Variants in JAZF1 observed in about 807,000 individuals in gnomAD.
JAZF1 encodes JAZF zinc finger 1.
In JAZF1, 8 loss-of-function variants were observed where a neutral mutation model predicts 26.4. The ratio of observed to expected loss-of-function variants is 0.30; its 90% CI spans 0.18 to 0.55. The LOEUF (loss-of-function observed/expected upper bound fraction) is 0.55, where lower values mean the gene tolerates loss of function less well. Ranked by LOEUF, JAZF1 falls within the 20% of genes least tolerant of loss-of-function variation. The pLI is 0.94. For synonymous variants in JAZF1, 126 were observed against 122.3 expected (o/e 1.03, Z -0.20); for missense variants, 199 against 322.0 (o/e 0.62, Z 2.92).
At chr7:28,163,895 T>C (rs1474414906) in intron 1 of JAZF1, among the ~76,000 whole-genome samples, 1 of 152,240 alleles carries the variant, frequency 6.6e-6, no homozygotes, top group Non-Finnish European at 1.5e-5. Flanking sequence ...GGATTACTGT[T>C]CACTCACAGC....
At chr7:28,090,036 T>C (rs921981691) in intron 1 of JAZF1, among the ~76,000 whole-genome samples, 1 of 152,232 alleles carries the variant, frequency 6.6e-6, no homozygotes, top group South Asian at 2.1e-4. Flanking sequence ...ACAGGTACCA[T>C]CAAATCCAGT....
At chr7:28,000,440 A>C (rs963327554) in intron 1 of JAZF1, among the ~76,000 whole-genome samples, 1 of 152,140 alleles carries the variant, frequency 6.6e-6, no homozygotes, top group African/African-American at 2.4e-5. Flanking sequence ...AACTACACGA[A>C]TATTATGAGA....
chr7:28,083,934 T>C (rs1452222523), intron 1 of JAZF1, among the ~76,000 whole-genome samples: 2 of 152,142 alleles, frequency 1.3e-5, no homozygotes, highest in Non-Finnish European at 2.9e-5. Flanking sequence ...GTATTGCTTT[T>C]ACATGTTACA....
intron 2 of JAZF1, among the ~76,000 whole-genome samples, chr7:27,990,781 A>G (rs1785883908): frequency 6.6e-6 from 1 of 152,220 alleles, no homozygotes; most frequent in Non-Finnish European, 1.5e-5. Context: ...TAAGAAACCC[A>G]GAAAAGTGTA....
At chr7:28,062,629 C>G (rs1166625602) in intron 1 of JAZF1, among the ~76,000 whole-genome samples, 1 of 152,116 alleles carries the variant, frequency 6.6e-6, no homozygotes, top group Non-Finnish European at 1.5e-5. Flanking sequence ...AGCCAGCAAA[C>G]TTCTGTGACA....
At chr7:27,852,970 A>G (rs1165712494) in intron 3 of JAZF1, among the ~76,000 whole-genome samples, 8 of 152,084 alleles carry the variant, frequency 5.3e-5, no homozygotes, top group Non-Finnish European at 1.5e-5. Flanking sequence ...CTCTTTAATC[A>G]AAGTTATAAT....
chr7:28,016,557 G>A (rs1459113647), intron 1 of JAZF1, among the ~76,000 whole-genome samples: 1 of 152,134 alleles, frequency 6.6e-6, no homozygotes, highest in African/African-American at 2.4e-5. Flanking sequence ...AAGGGACAGG[G>A]GCCAAGGGGG....
At chr7:28,024,314 G>A (rs912826151) in intron 1 of JAZF1, among the ~76,000 whole-genome samples, 2 of 151,972 alleles carry the variant, frequency 1.3e-5, no homozygotes, top group African/African-American at 4.8e-5. Flanking sequence ...AACAAAGAGA[G>A]AGAGAGAGAT....
chr7:28,130,210 T>C (rs1325086358), intron 1 of JAZF1, among the ~76,000 whole-genome samples: 9 of 152,140 alleles, frequency 5.9e-5, no homozygotes, highest in Non-Finnish European at 1.0e-4. Context: ...AATATATTCA[T>C]ACAACAAGTA....
intron 1 of JAZF1, among the ~76,000 whole-genome samples, chr7:28,127,249 T>C (rs1184942628): frequency 6.6e-6 from 1 of 152,190 alleles, no homozygotes; most frequent in African/African-American, 2.4e-5. Context: ...CCTTCAGTCT[T>C]TGAAGTATTT....
chr7:27,866,112 C>T (rs1406776895), intron 3 of JAZF1, among the ~76,000 whole-genome samples: 1 of 152,170 alleles, frequency 6.6e-6, no homozygotes, highest in East Asian at 1.9e-4. Context: ...CGAGTGAGGG[C>T]AGCACTGCCG....
intron 3 of JAZF1, among the ~76,000 whole-genome samples, chr7:27,874,815 G>T (rs1783647284): frequency 6.6e-6 from 1 of 152,136 alleles, no homozygotes; most frequent in East Asian, 1.9e-4. Flanking sequence ...GGGAAGGCTG[G>T]TCAATAGCCT....
intron 3 of JAZF1, among the ~76,000 whole-genome samples, chr7:27,872,596 T>A (rs1175113847): frequency 6.6e-6 from 1 of 152,206 alleles, no homozygotes; most frequent in South Asian, 2.1e-4. Context: ...TCTCTCCACA[T>A]GTTCAAGAAA....
intron 1 of JAZF1, among the ~76,000 whole-genome samples, chr7:28,070,008 T>C (rs1018958009): frequency 3.3e-5 from 5 of 152,124 alleles, no homozygotes; most frequent in South Asian, 2.1e-4. Context: ...TTTCTCTCCC[T>C]GCTCACGGCA....
At chr7:28,062,246 A>C (rs1783809095) in intron 1 of JAZF1, among the ~76,000 whole-genome samples, 1 of 152,066 alleles carries the variant, frequency 6.6e-6, no homozygotes, top group Non-Finnish European at 1.5e-5. Flanking sequence ...TTTCTTCCTT[A>C]CTCAAAGCCT....
chr7:28,114,130 C>A (rs923493676), intron 1 of JAZF1, among the ~76,000 whole-genome samples: 4 of 152,212 alleles, frequency 2.6e-5, no homozygotes, highest in Admixed American at 2.6e-4. Flanking sequence ...TAACTTTCCA[C>A]GGAGTTGGTA....
intron 1 of JAZF1, among the ~76,000 whole-genome samples, chr7:28,143,009 T>A (rs1782980373): frequency 6.6e-6 from 1 of 152,212 alleles, no homozygotes; most frequent in African/African-American, 2.4e-5. Context: ...GTCTCTACCC[T>A]GCCTCCAACC....
At chr7:28,093,518 A>G (rs1018273910) in intron 1 of JAZF1, among the ~76,000 whole-genome samples, 1 of 152,226 alleles carries the variant, frequency 6.6e-6, no homozygotes, top group Admixed American at 6.5e-5. Context: ...GTTGCAGACA[A>G]AAAAATTACT....
chr7:28,124,461 C>G (rs1404426943), intron 1 of JAZF1, among the ~76,000 whole-genome samples: 5 of 152,134 alleles, frequency 3.3e-5, no homozygotes, highest in Admixed American at 2.6e-4. Context: ...CTGCCCAACC[C>G]ACTCTTCACC....
Sources: gnomAD v4.1 joint callset for allele counts (sites outside exome capture counted in the v4.1 genomes callset) on GRCh38, gnomAD v4.1.1 for gene constraint, MANE v1.5 for transcripts, NCBI Gene and HGNC (gene_info 2026-07-23, HGNC 2026-07-21) for gene names.